Variants in GRM5 observed in about 807,000 individuals in gnomAD.
GRM5 encodes glutamate metabotropic receptor 5, also known as metabotropic glutamate receptor 5.
In GRM5, 19 loss-of-function variants were observed where a neutral mutation model predicts 83.1. That is an observed-to-expected ratio of 0.23 (90% CI 0.16 to 0.34). GRM5 has a LOEUF of 0.34. Ranked by LOEUF, GRM5 falls within the 10% of genes least tolerant of loss-of-function variation. The pLI is 1.00. For missense variants in GRM5, 1,160 were observed against 1,588.3 expected (o/e 0.73, Z 4.58); for synonymous variants, 675 against 633.6 (o/e 1.07, Z -0.98).
At chr11:89,043,748 A>G (rs1941583123) in intron 2 of GRM5, among the ~76,000 whole-genome samples, 2 of 152,124 alleles carry the variant, frequency 1.3e-5, no homozygotes, top group South Asian at 2.1e-4. Context: ...GCTGGGCTCA[A>G]TTATGTGATT....
intron 2 of GRM5, among the ~76,000 whole-genome samples, chr11:88,933,478 T>C (rs559123103): frequency 1.3e-5 from 2 of 151,830 alleles, no homozygotes; most frequent in Non-Finnish European, 2.9e-5. Flanking sequence ...TATTCTATCT[T>C]ATCTCTCAAA....
intron 2 of GRM5, among the ~76,000 whole-genome samples, chr11:88,920,226 C>T (rs1417326307): frequency 6.6e-6 from 1 of 151,804 alleles, no homozygotes; most frequent in Non-Finnish European, 1.5e-5. Flanking sequence ...ACTGATACCA[C>T]AGAAATCCAA....
intron 3 of GRM5, among the ~76,000 whole-genome samples, chr11:88,821,094 T>C (rs952941282): frequency 2.0e-5 from 3 of 152,094 alleles, no homozygotes; most frequent in South Asian, 2.1e-4. Flanking sequence ...ATGACCTCAG[T>C]TGAATTCCCG....
intron 8 of GRM5, among the ~76,000 whole-genome samples, chr11:88,553,314 A>G (rs1942553240): frequency 6.6e-6 from 1 of 152,156 alleles, no homozygotes; most frequent in Admixed American, 6.5e-5. Flanking sequence ...GTCCTGGTCC[A>G]TTCTCCAGCA....
intron 2 of GRM5, among the ~76,000 whole-genome samples, chr11:89,038,042 A>C (rs568556631): frequency 6.6e-6 from 1 of 152,176 alleles, no homozygotes; most frequent in Admixed American, 6.5e-5. Context: ...TTCTCTATTA[A>C]ATTCTGATTT....
chr11:88,818,776 C>T (rs1943734104), intron 3 of GRM5, among the ~76,000 whole-genome samples: 1 of 151,908 alleles, frequency 6.6e-6, no homozygotes, highest in Admixed American at 6.6e-5. Context: ...TCAATGAAAT[C>T]AGCAGAAGAC....
rs148982303 is a variant in GRM5 at position 88,873,866 on chromosome 11, A to T, written c.662-23711T>A. ...ACAGAGTGAAGAAATAATAAAGATCAGAGCATAAACAGAACATAGACTAAA... is the reference window on the plus strand; with the variant it reads ...ACAGAGTGAAGAAATAATAAAGATCTGAGCATAAACAGAACATAGACTAAA... On this transcript the variant is annotated intron_variant, in intron 2 of 9. Coordinates refer to ENST00000305447, the MANE Select transcript of GRM5 (RefSeq NM_001143831.3). Among the ~76,000 whole-genome samples the T allele has an allele frequency of 5.8e-3, 878 of 151,912 alleles. 14 individuals are homozygous for T. Among genetic ancestry groups the T allele is most frequent in the African/African-American group, 0.02 (841 of 41,550 alleles).
At chr11:88,775,703 T>C (rs1942831861) in intron 3 of GRM5, among the ~76,000 whole-genome samples, 1 of 152,242 alleles carries the variant, frequency 6.6e-6, no homozygotes, top group African/African-American at 2.4e-5. Flanking sequence ...ATTTACCCAG[T>C]AGTCATTCAG....
At chr11:88,737,631 T>C (rs189168016) in intron 3 of GRM5, among the ~76,000 whole-genome samples, 292 of 152,160 alleles carry the variant, frequency 1.9e-3, no homozygotes, top group Non-Finnish European at 2.8e-3. Context: ...AACAAAATAG[T>C]TACATGAGAG....
intron 2 of GRM5, among the ~76,000 whole-genome samples, chr11:88,987,249 C>G (rs899929198): frequency 1.3e-5 from 2 of 151,968 alleles, no homozygotes; most frequent in Non-Finnish European, 2.9e-5. Context: ...AGGGGTGACC[C>G]ACGGCACCTG....
intron 3 of GRM5, among the ~76,000 whole-genome samples, chr11:88,823,789 T>C (rs987102139): frequency 3.3e-5 from 5 of 152,166 alleles, no homozygotes; most frequent in African/African-American, 1.2e-4. Flanking sequence ...CACATTTCAG[T>C]ATAGTGCCTT....
intron 2 of GRM5, among the ~76,000 whole-genome samples, chr11:89,031,202 C>A (rs1455865233): frequency 2.0e-5 from 3 of 151,786 alleles, no homozygotes; most frequent in African/African-American, 7.2e-5. Flanking sequence ...CTTTCTTAAG[C>A]CAGTAGTAAG....
rs1249984141 is a variant in GRM5, at chr11:89,002,822, G to A, written c.661+44390C>T. Among the ~76,000 whole-genome samples the A allele has an allele frequency of 3.3e-5, 5 of 151,950 alleles. No homozygotes were observed. In the South Asian group the frequency reaches 6.2e-4, roughly 19 times the overall value. On this transcript the variant is annotated intron_variant, in intron 2 of 9. Transcript: ENST00000305447. ...CACTGCTCAGAATGCTTCCCCCCCA[G>A]AGAGCCACCTAGGGAGCACCTTCAT...
intron 2 of GRM5, among the ~76,000 whole-genome samples, chr11:88,899,926 A>G (rs924550375): frequency 6.6e-6 from 1 of 152,070 alleles, no homozygotes; most frequent in African/African-American, 2.4e-5. Flanking sequence ...AGTTTGATTC[A>G]CTCACAAAGC....
At chr11:88,525,959 A>C (rs373808347) in intron 8 of GRM5, among the ~76,000 whole-genome samples, 1 of 152,338 alleles carries the variant, frequency 6.6e-6, no homozygotes, top group East Asian at 1.9e-4. Context: ...TAGAACCCAC[A>C]CTTCAGCCAT....
rs528159160 is a variant in GRM5 at position 89,058,931 on chromosome 11, A to T, written c.-201+6845T>A. 3.3e-5 allele frequency among the ~76,000 whole-genome samples: 5 copies of T among 152,290 alleles called. No individual in the cohort carries two copies. In the East Asian group the frequency reaches 9.6e-4, roughly 29 times the overall value. On this transcript the variant is annotated intron_variant, in intron 1 of 9. Transcript: ENST00000305447. ...TTTTCATTTTATTTATTTTTAAACA[A>T]ATGATATAATAGTGTATTATTTACT...
intron 2 of GRM5, among the ~76,000 whole-genome samples, chr11:88,885,902 G>A (rs1485689838): frequency 6.6e-6 from 1 of 152,092 alleles, no homozygotes; most frequent in Non-Finnish European, 1.5e-5. Context: ...TTTCAAGATG[G>A]CAGCTCCATT....
rs116483955 is a variant in GRM5, at chr11:88,721,002, T to C, written c.912-67599A>G. ...AGCCATCACGTAGCATTTCTATATG[T>C]GGCTTCAAATCCTGGCTCTACCACT... On this transcript the variant is annotated intron_variant, in intron 3 of 9. Coordinates refer to ENST00000305447, the MANE Select transcript of GRM5 (RefSeq NM_001143831.3). 4.2e-3 allele frequency among the ~76,000 whole-genome samples: 637 copies of C among 152,182 alleles called. 3 individuals carry two copies. The highest frequency in any genetic ancestry group is 0.015 in the African/African-American group (620 of 41,548).
chr11:88,655,125 T>G (rs1466652591), intron 3 of GRM5, among the ~76,000 whole-genome samples: 1 of 152,124 alleles, frequency 6.6e-6, no homozygotes, highest in Non-Finnish European at 1.5e-5. Flanking sequence ...AAAACTTTTG[T>G]GGCAGATCAA....
Sources: gnomAD v4.1 joint callset for allele counts (sites outside exome capture counted in the v4.1 genomes callset) on GRCh38, gnomAD v4.1.1 for gene constraint, MANE v1.5 for transcripts, NCBI Gene and HGNC (gene_info 2026-07-23, HGNC 2026-07-21) for gene names.